LRP1B: variants seen among roughly 807,000 people sequenced by gnomAD.
LRP1B encodes the protein low-density lipoprotein receptor-related protein 1B.
LRP1B carries 217 observed loss-of-function variants against 556.6 expected under a neutral mutation model. That is an observed-to-expected ratio of 0.39 (90% CI 0.35 to 0.44). The LOEUF is 0.44. Among genes scored for constraint, LRP1B ranks in the 20% least tolerant of loss-of-function variants. LRP1B has a pLI of 1.00. For synonymous variants in LRP1B, 2,047 were observed against 1,865.8 expected, an observed-to-expected ratio of 1.10 and a Z score of -2.50; for missense variants, 5,053 against 5,620.8, an observed-to-expected ratio of 0.90 and a Z score of 3.23.
At chr2:141,058,329 T>C (rs184717826) in intron 9 of LRP1B, among the ~76,000 whole-genome samples, 1 of 151,818 alleles carries the variant, frequency 6.6e-6, no homozygotes, top group Non-Finnish European at 1.5e-5. Flanking sequence ...TTATATTCTC[T>C]TTTTTTATGT....
intron 3 of LRP1B, among the ~76,000 whole-genome samples, chr2:141,448,058 T>A (rs1455319219): frequency 6.6e-6 from 1 of 151,918 alleles, no homozygotes; most frequent in Non-Finnish European, 1.5e-5. Context: ...GAGATGGGAG[T>A]TTTATCTATA....
chr2:140,924,928 A>G (rs1231784019), intron 20 of LRP1B, among the ~76,000 whole-genome samples: 1 of 152,152 alleles, frequency 6.6e-6, no homozygotes, highest in East Asian at 1.9e-4. Flanking sequence ...TGCTCTATAT[A>G]GAAATATATT....
In LRP1B at chr2:140,353,039, G is replaced by C. The variant is rs2105122197; in HGVS notation, c.11564C>G (p.Ser3855Cys). 2 of 1,612,714 alleles carry C rather than the reference G, an allele frequency of 1.2e-6. No homozygotes were observed. The highest frequency in any genetic ancestry group is 1.7e-6 in the Non-Finnish European group (2 of 1,179,302). Residue 3855 changes from serine to cysteine, a missense_variant, in exon 76 of 91, where the codon TCC (serine) becomes TGC (cysteine). Physicochemically the swap from Ser to Cys is moderately radical, Grantham distance 112. Coordinates refer to ENST00000389484, the MANE Select transcript of LRP1B (RefSeq NM_018557.3). ...TCCTTCCACATTTATACATTGATGG[G>C]AACATGTGCCAAACACCAAACATTC... is the stretch of plus-strand genomic sequence containing the variant. Reference protein sequence around the residue: ...LNECLVFGTCSHQCINVEGSY... With the variant: ...LNECLVFGTCCHQCINVEGSY...
chr2:140,591,639 A>G (rs758599269), intron 43 of LRP1B, among the ~76,000 whole-genome samples: 3 of 152,200 alleles, frequency 2.0e-5, no homozygotes, highest in African/African-American at 7.2e-5. Context: ...GTAAAGAACC[A>G]GGAATCTGGA....
rs181591688 is a variant in LRP1B at position 141,734,985 on chromosome 2, T to C, written c.205+75294A>G. Among the ~76,000 whole-genome samples, 239 of 152,232 alleles carry C rather than the reference T, an allele frequency of 1.6e-3. 6 individuals are homozygous for C. In the East Asian group the frequency reaches 0.041, roughly 26 times the overall value. The stretch of plus-strand genomic sequence containing the variant: ...AATTTAAATTATAACCATTGAAATA[T>C]GGTGCTTTCCCTCAACAGCCATTTG... On this transcript the variant is annotated intron_variant, in intron 2 of 90. Coordinates refer to ENST00000389484, the MANE Select transcript of LRP1B (RefSeq NM_018557.3).
intron 43 of LRP1B, among the ~76,000 whole-genome samples, chr2:140,594,383 C>A (rs1682351598): frequency 6.6e-6 from 1 of 152,162 alleles, no homozygotes; most frequent in Non-Finnish European, 1.5e-5. Flanking sequence ...ATATTAAAAG[C>A]TTTAAGATGT....
intron 7 of LRP1B, among the ~76,000 whole-genome samples, chr2:141,142,141 T>C (rs1701668395): frequency 6.6e-6 from 1 of 152,130 alleles, no homozygotes; most frequent in South Asian, 2.1e-4. Flanking sequence ...CAAACTCCTT[T>C]AACTGCCATG....
chr2:141,574,556 A>T (rs1686665528), intron 2 of LRP1B, among the ~76,000 whole-genome samples: 1 of 152,150 alleles, frequency 6.6e-6, no homozygotes, highest in African/African-American at 2.4e-5. Context: ...TAAGACAAGG[A>T]TGCCTCTCTC....
intron 43 of LRP1B, among the ~76,000 whole-genome samples, chr2:140,581,746 C>T (rs1279558526): frequency 6.6e-6 from 1 of 152,052 alleles, no homozygotes; most frequent in East Asian, 1.9e-4. Context: ...CTCTCCCTCC[C>T]TCTCTCCTGT....
intron 79 of LRP1B, among the ~76,000 whole-genome samples, chr2:140,327,284 C>G (rs188340757): frequency 6.6e-6 from 1 of 152,164 alleles, no homozygotes; most frequent in East Asian, 1.9e-4. Flanking sequence ...TTGGAAACCA[C>G]TAGTGAATAA....
chr2:142,126,781 T>A (rs1707669476), intron 1 of LRP1B, among the ~76,000 whole-genome samples: 1 of 151,736 alleles, frequency 6.6e-6, no homozygotes, highest in Non-Finnish European at 1.5e-5. Flanking sequence ...AAAAACTGGA[T>A]CCATATATAG....
rs775994886 is a variant in LRP1B at position 141,096,455 on chromosome 2, A to T, written c.1014-34182T>A. ...ATACAAAAATTATCCCGGGATGATG[A>T]TGCATGCCTGTAATCCCAGCTACTG... On this transcript the variant is annotated intron_variant, in intron 7 of 90. Transcript: ENST00000389484. Among the ~76,000 whole-genome samples the T allele has an allele frequency of 2.0e-3, 309 of 151,962 alleles. 1 individual carries two copies. Among genetic ancestry groups the T allele is most frequent in the Non-Finnish European group, 3.1e-3 (209 of 67,940 alleles).
chr2:141,324,358 G>A (rs1038666726), intron 3 of LRP1B, among the ~76,000 whole-genome samples: 1 of 152,090 alleles, frequency 6.6e-6, no homozygotes, highest in Non-Finnish European at 1.5e-5. Context: ...ACACCCATGC[G>A]AACACTGGTT....
At chr2:141,215,372 G>A (rs141817349) in intron 6 of LRP1B, among the ~76,000 whole-genome samples, 9 of 152,246 alleles carry the variant, frequency 5.9e-5, no homozygotes, top group African/African-American at 1.9e-4. Context: ...TTGTAGCAAC[G>A]CGAGAACAGC....
rs116598891 is a variant in LRP1B, at chr2:141,920,214, G to A, written c.83-109813C>T. 3.6e-3 allele frequency among the ~76,000 whole-genome samples: 507 copies of A among 139,926 alleles called. 2 individuals carry two copies. Among genetic ancestry groups the A allele is most frequent in the African/African-American group, 0.013 (484 of 38,310 alleles). The allele number at this position is 139,926 out of a possible 152,430, so 91.8% of individuals were successfully genotyped here. On this transcript the variant is annotated intron_variant, in intron 1 of 90. Coordinates refer to ENST00000389484, the MANE Select transcript of LRP1B (RefSeq NM_018557.3). The stretch of plus-strand genomic sequence containing the variant: ...TTATCTATCAAAAACCTCTGCATTT[G>A]CAGCATTTGAGTCACACATTGCCAG...
chr2:141,684,635 T>C (rs1691229830), intron 2 of LRP1B, among the ~76,000 whole-genome samples: 1 of 151,926 alleles, frequency 6.6e-6, no homozygotes, highest in South Asian at 2.1e-4. Context: ...GCGAGAACTC[T>C]GTGAAGAGAT....
At chr2:140,827,855 C>T (rs1691562212) in intron 31 of LRP1B, among the ~76,000 whole-genome samples, 1 of 151,952 alleles carries the variant, frequency 6.6e-6, no homozygotes, top group Non-Finnish European at 1.5e-5. Context: ...AAGCAAGGAT[C>T]CTAAAAGCAT....
rs545818323 is a variant in LRP1B at position 141,385,399 on chromosome 2, C to G, written c.343+94997G>C. The stretch of plus-strand genomic sequence containing the variant: ...GATATGATGCCACCAGTGGAAAATT[C>G]CCTATCTCTGGTCCCAATCATTTTG... On this transcript the variant is annotated intron_variant, in intron 3 of 90. Transcript: ENST00000389484. 1.5e-4 allele frequency among the ~76,000 whole-genome samples: 23 copies of G among 152,210 alleles called. No homozygotes were observed. The South Asian group carries it at 3.7e-3, about 25-fold the overall frequency.
At chr2:140,307,068 GTC>G (rs1297277670) in intron 83 of LRP1B, among the ~76,000 whole-genome samples, 1 of 151,892 alleles carries the variant, frequency 6.6e-6, no homozygotes, top group African/African-American at 2.4e-5. Context: ...AGCAAAATCT[GTC>G]TCAGTAAAAA....
Sources: gnomAD v4.1 joint callset for allele counts (sites outside exome capture counted in the v4.1 genomes callset) on GRCh38, gnomAD v4.1.1 for gene constraint, MANE v1.5 for transcripts, NCBI Gene and HGNC (gene_info 2026-07-23, HGNC 2026-07-21) for gene names.